The following EIF4E3 variants were observed in gnomAD, a reference collection of about 807,000 sequenced individuals.
EIF4E3 encodes the protein eukaryotic translation initiation factor 4E type 3.
In EIF4E3, 26 loss-of-function variants were observed where a neutral mutation model predicts 31.7. The observed-to-expected ratio is 0.82, with a 90% CI of 0.60 to 1.14. The LOEUF is 1.14. Among genes scored for constraint, EIF4E3 ranks in the 50% most tolerant of loss-of-function variants. The probability of loss-of-function intolerance (pLI) is 0.00; values close to 1 mark genes in which losing one functional copy is unlikely to be tolerated. For synonymous variants in EIF4E3, 128 were observed against 107.7 expected (o/e 1.19, Z -1.17); for missense variants, 304 against 270.9 (o/e 1.12, Z -0.86).
chr3:71,686,333 G>T (rs986895786), intron 6 of EIF4E3, among the ~76,000 whole-genome samples: 1 of 152,018 alleles, frequency 6.6e-6, no homozygotes, highest in Non-Finnish European at 1.5e-5. Context: ...CTATTGCTGA[G>T]GGGGTGGATG....
intron 1 of EIF4E3, among the ~76,000 whole-genome samples, chr3:71,710,871 T>C (rs1055977399): frequency 1.3e-5 from 2 of 152,208 alleles, no homozygotes; most frequent in African/African-American, 4.8e-5. Flanking sequence ...TGCAGTGTCC[T>C]GGCCTGGTGA....
intron 1 of EIF4E3, among the ~76,000 whole-genome samples, chr3:71,746,554 G>T (rs1412892290): frequency 6.6e-6 from 1 of 152,134 alleles, no homozygotes; most frequent in Non-Finnish European, 1.5e-5. Flanking sequence ...TTAAGAATCT[G>T]CACTCACTCA....
intron 3 of EIF4E3, among the ~76,000 whole-genome samples, chr3:71,697,476 G>A (rs925621460): frequency 1.3e-5 from 2 of 151,962 alleles, no homozygotes; most frequent in African/African-American, 4.8e-5. Context: ...ATAAATTATT[G>A]TTAACTATAG....
chr3:71,693,675 T>C (rs1213010286), intron 5 of EIF4E3, among the ~76,000 whole-genome samples, 200 bp downstream of exon 5: 2 of 152,126 alleles, frequency 1.3e-5, no homozygotes, highest in African/African-American at 4.8e-5. Flanking sequence ...CATATGTAAA[T>C]ATGCATATGG....
upstream of EIF4E3, chr3:71,754,519 C>A: frequency 7.6e-7 from 1 of 1,315,768 alleles, no homozygotes; most frequent in Non-Finnish European, 9.7e-7. The surrounding 1 kb of genome is among the most constrained non-coding windows in gnomAD (Gnocchi z 5.8). Flanking sequence ...GCGGCCTTCC[C>A]GCCAGTGCTG....
At chr3:71,737,107 C>T (rs2108144593) in intron 1 of EIF4E3, among the ~76,000 whole-genome samples, 1 of 152,362 alleles carries the variant, frequency 6.6e-6, no homozygotes, top group East Asian at 1.9e-4. Flanking sequence ...CCACTTTACA[C>T]ACCGGAGGCT....
intron 6 of EIF4E3, 52 bp downstream of exon 6, chr3:71,689,958 A>G: frequency 2.8e-6 from 4 of 1,412,984 alleles, no homozygotes; most frequent in Non-Finnish European, 2.8e-6. Context: ...TTCTATCTTT[A>G]AAAGTATGAT....
At chr3:71,745,015 T>G (rs2049857039) in intron 1 of EIF4E3, among the ~76,000 whole-genome samples, 1 of 152,198 alleles carries the variant, frequency 6.6e-6, no homozygotes, top group African/African-American at 2.4e-5. Flanking sequence ...AATGCAGCTG[T>G]TTATCCAAAA....
At chr3:71,751,138 T>C (rs2049925196) in intron 1 of EIF4E3, among the ~76,000 whole-genome samples, 6 of 152,020 alleles carry the variant, frequency 3.9e-5, no homozygotes, top group East Asian at 1.9e-4. Flanking sequence ...GAGGCTGAGA[T>C]AGGAGGACGG....
At chr3:71,711,830 A>T (rs1262270888) in intron 1 of EIF4E3, among the ~76,000 whole-genome samples, 1 of 152,076 alleles carries the variant, frequency 6.6e-6, no homozygotes, top group Non-Finnish European at 1.5e-5. Context: ...TATTAATACA[A>T]AAATAAGCCG....
At chr3:71,698,222 C>T (rs1047742920) in intron 3 of EIF4E3, among the ~76,000 whole-genome samples, 1 of 152,122 alleles carries the variant, frequency 6.6e-6, no homozygotes, top group Non-Finnish European at 1.5e-5. Context: ...AAGAAAGTGG[C>T]GTTCAGTGGC....
At chr3:71,706,575 G>C (rs1189075531) in intron 2 of EIF4E3, among the ~76,000 whole-genome samples, 1 of 152,140 alleles carries the variant, frequency 6.6e-6, no homozygotes, top group Non-Finnish European at 1.5e-5. Flanking sequence ...TGAGCACTTT[G>C]GGAGGTCAAG....
intron 2 of EIF4E3, among the ~76,000 whole-genome samples, chr3:71,708,325 G>T (rs917940052): frequency 6.6e-6 from 1 of 152,148 alleles, no homozygotes; most frequent in Admixed American, 6.5e-5. Context: ...GGGGATGGAG[G>T]CTGGCAGGGG....
chr3:71,728,816 G>A (rs1218452717), upstream of EIF4E3: 1 of 152,268 alleles, frequency 6.6e-6, no homozygotes, highest in Admixed American at 6.5e-5. Context: ...TGAGAGCCGG[G>A]AAGAACCTTA....
intron 5 of EIF4E3, among the ~76,000 whole-genome samples, chr3:71,690,993 C>T (rs576711400): frequency 6.6e-6 from 1 of 152,118 alleles, no homozygotes; most frequent in Non-Finnish European, 1.5e-5. Flanking sequence ...TTGAGAACGG[C>T]GGATGGATAG....
intron 1 of EIF4E3, among the ~76,000 whole-genome samples, chr3:71,713,328 A>C: frequency 6.6e-6 from 1 of 152,172 alleles, no homozygotes; most frequent in Non-Finnish European, 1.5e-5. Context: ...CTCACTGCTG[A>C]GCTGCCCATT....
upstream of EIF4E3, among the ~76,000 whole-genome samples, chr3:71,730,048 G>A (rs976544237): frequency 1.3e-5 from 2 of 152,166 alleles, no homozygotes; most frequent in African/African-American, 2.4e-5. Context: ...CTTCAGTGCC[G>A]GTAGGTACAG....
downstream of EIF4E3, among the ~76,000 whole-genome samples, chr3:71,673,551 T>C (rs986603416): frequency 6.8e-6 from 1 of 146,322 alleles, no homozygotes; most frequent in Non-Finnish European, 1.5e-5. Flanking sequence ...GTTTTTGACT[T>C]AAAAAAAAAA....
In EIF4E3 at chr3:71,725,176, C is replaced by A. The variant is rs2049613459; in HGVS notation, c.176+16G>T. 3 of 1,082,700 alleles carry A rather than the reference C, an allele frequency of 2.8e-6. No homozygotes were observed. The highest frequency in any genetic ancestry group is 3.4e-6 in the Non-Finnish European group (3 of 895,460). The allele number at this position is 1,082,700 out of a possible 1,614,324, so 67.1% of individuals were successfully genotyped here. A position where few individuals can be genotyped will look rare whatever the true frequency, so the allele number is the denominator to read the frequency against. ...CCGGGTCGGGGCCGTGCGCGGCGGG[C>A]CCCGCGCCCCCTCACCTGTCGAGCC... On this transcript the variant is annotated intron_variant, in intron 1 of 6. Transcript: ENST00000425534. The surrounding 1 kb of genome is among the most constrained non-coding windows in gnomAD (Gnocchi z 6.1).
Sources: gnomAD v4.1 joint callset for allele counts (sites outside exome capture counted in the v4.1 genomes callset) on GRCh38, gnomAD v4.1.1 for gene constraint, Gnocchi (gnomAD v3.1) non-coding constraint, MANE v1.5 for transcripts, NCBI Gene and HGNC (gene_info 2026-07-23, HGNC 2026-07-21) for gene names.